The following SETBP1 variants were observed in gnomAD, a reference collection of about 807,000 sequenced individuals.
The protein encoded by SETBP1 is SET binding protein 1.
Under a neutral mutation model 101.0 loss-of-function variants are expected in SETBP1, and 9 were observed. The ratio of observed to expected loss-of-function variants is 0.09; its 90% CI spans 0.05 to 0.16. The LOEUF (loss-of-function observed/expected upper bound fraction) is 0.16. Among genes scored for constraint, SETBP1 ranks in the 10% least tolerant of loss-of-function variants. The probability of loss-of-function intolerance (pLI) is 1.00; values close to 1 mark genes in which losing one functional copy is unlikely to be tolerated. For missense variants in SETBP1, 1,858 were observed against 2,033.8 expected, an observed-to-expected ratio of 0.91 and a Z score of 1.66; for synonymous variants, 818 against 788.5, an observed-to-expected ratio of 1.04 and a Z score of -0.63.
chr18:44,871,248 C>G (rs190202785), intron 3 of SETBP1: 17 of 152,272 alleles, frequency 1.1e-4, no homozygotes, highest in African/African-American at 3.9e-4. Context: ...CAACAGCATC[C>G]TTTTGGGTGC....
At chr18:44,768,628 C>T (rs1052767159) in intron 2 of SETBP1, among the ~76,000 whole-genome samples, 1 of 152,048 alleles carries the variant, frequency 6.6e-6, no homozygotes, top group African/African-American at 2.4e-5. Flanking sequence ...TGTTCTTTTC[C>T]TTCTAAAAGG....
At chr18:44,715,375 G>T (rs910312495) in intron 2 of SETBP1, among the ~76,000 whole-genome samples, 7 of 152,042 alleles carry the variant, frequency 4.6e-5, no homozygotes. Context: ...TAATAGGCTC[G>T]CTGTGACTTA....
chr18:44,869,462 G>C (rs2069219040), intron 3 of SETBP1, 179 bp downstream of exon 3: 2 of 676,406 alleles, frequency 3.0e-6, no homozygotes, highest in Admixed American at 2.1e-5. Context: ...TCTCATTCTA[G>C]CATGGACAAA....
intron 4 of SETBP1, among the ~76,000 whole-genome samples, chr18:45,012,200 C>T (rs929521086): frequency 6.6e-6 from 1 of 152,156 alleles, no homozygotes; most frequent in Admixed American, 6.5e-5. Context: ...TTCCTGGGAA[C>T]AGGAGGCATG....
rs2073744075 is a variant in SETBP1 at position 45,052,829 on chromosome 18, G to A, written c.4172-10250G>A. Among the ~76,000 whole-genome samples the A allele has an allele frequency of 4.6e-5, 7 of 152,264 alleles. 1 individual carries two copies. The Middle Eastern group carries it at 0.014, about 296-fold the overall frequency. ...TTTAGTCACTTGAATCCAGCCCAGA[G>A]GTAGTTAAAAGGACAGGCATTAACT... On this transcript the variant is annotated intron_variant, in intron 5 of 5. Coordinates refer to ENST00000649279, the MANE Select transcript of SETBP1 (RefSeq NM_015559.3).
chr18:44,787,860 C>CAAAAAAAAAAAAA (rs11399627), intron 2 of SETBP1, among the ~76,000 whole-genome samples: 1 of 9,216 alleles, frequency 1.1e-4, no homozygotes, highest in African/African-American at 4.3e-4. Flanking sequence ...GAGTCCGTCT[C>CAAAAAAAAAAAAA]AAAAAAAAAA....
chr18:44,803,836 A>G (rs997249668), intron 2 of SETBP1, among the ~76,000 whole-genome samples: 21 of 152,148 alleles, frequency 1.4e-4, no homozygotes, highest in African/African-American at 5.1e-4. Context: ...TCTAGCTAAA[A>G]TTTACTGTTT....
Position 44,779,365 on chromosome 18 carries a change from T to C in SETBP1, c.486+77533T>C, listed in dbSNP as rs146072232. ...AGAGCAAGAGAATACTCGCCTCTGA[T>C]AGAGCATAGTACTCTCTCCAAACCA... On this transcript the variant is annotated intron_variant, in intron 2 of 5. Coordinates refer to ENST00000649279, the MANE Select transcript of SETBP1 (RefSeq NM_015559.3). 2.7e-3 allele frequency among the ~76,000 whole-genome samples: 416 copies of C among 152,382 alleles called. 11 individuals carry two copies. The highest frequency in any genetic ancestry group is 0.026 in the Admixed American group (395 of 15,306).
At chr18:44,930,686 T>C (rs1278995614) in intron 3 of SETBP1, among the ~76,000 whole-genome samples, 1 of 152,202 alleles carries the variant, frequency 6.6e-6, no homozygotes, top group African/African-American at 2.4e-5. Context: ...TGTCCAGGAA[T>C]TTATCCATTT....
At chr18:45,047,121 A>C (rs969273126) in intron 5 of SETBP1, among the ~76,000 whole-genome samples, 1 of 152,140 alleles carries the variant, frequency 6.6e-6, no homozygotes, top group South Asian at 2.1e-4. Context: ...TGATAATAAC[A>C]CGTTTTATCT....
chr18:44,849,098 TGTAC>T (rs2072792660), intron 2 of SETBP1, among the ~76,000 whole-genome samples: 1 of 152,204 alleles, frequency 6.6e-6, no homozygotes, highest in Admixed American at 6.5e-5. Flanking sequence ...CAACATGCTG[TGTAC>T]TGACTGGATG....
intron 2 of SETBP1, among the ~76,000 whole-genome samples, chr18:44,834,087 G>A (rs749172824): frequency 6.6e-6 from 1 of 152,174 alleles, no homozygotes; most frequent in Non-Finnish European, 1.5e-5. Context: ...CTGGACTTCA[G>A]GAATTTGTAG....
At chr18:44,991,757 T>C (rs1241063235) in intron 4 of SETBP1, among the ~76,000 whole-genome samples, 4 of 152,120 alleles carry the variant, frequency 2.6e-5, no homozygotes, top group Non-Finnish European at 5.9e-5. Flanking sequence ...AGTAAGAATA[T>C]AACAAATCAA....
At chr18:44,974,875 C>A (rs2071951470) in intron 4 of SETBP1, among the ~76,000 whole-genome samples, 1 of 152,080 alleles carries the variant, frequency 6.6e-6, no homozygotes, top group Non-Finnish European at 1.5e-5. Flanking sequence ...AAAACAAAGA[C>A]ACCTAAGTAA....
intron 4 of SETBP1, among the ~76,000 whole-genome samples, chr18:45,003,362 A>G (rs746407181): frequency 6.6e-6 from 1 of 152,190 alleles, no homozygotes; most frequent in Non-Finnish European, 1.5e-5. Flanking sequence ...TATCGTTGCA[A>G]TAAGTAGTTT....
At chr18:45,025,470 G>A (rs1009030785) in intron 4 of SETBP1, among the ~76,000 whole-genome samples, 1 of 152,110 alleles carries the variant, frequency 6.6e-6, no homozygotes, top group Non-Finnish European at 1.5e-5. Context: ...TAAAGATTAG[G>A]AGATCTATCT....
intron 3 of SETBP1, among the ~76,000 whole-genome samples, chr18:44,917,702 C>G (rs1176958029): frequency 2.0e-5 from 3 of 152,152 alleles, no homozygotes; most frequent in African/African-American, 7.2e-5. Flanking sequence ...CCCTCTCCAG[C>G]TTGTCCTCAA....
intron 3 of SETBP1, among the ~76,000 whole-genome samples, chr18:44,902,891 G>GTT (rs1459664310): frequency 4.0e-5 from 6 of 151,642 alleles, no homozygotes; most frequent in South Asian, 4.2e-4. Context: ...AAGTTTACAT[G>GTT]TTATATATAT....
At chr18:44,978,797 G>A (rs1390893258) in intron 4 of SETBP1, among the ~76,000 whole-genome samples, 1 of 152,120 alleles carries the variant, frequency 6.6e-6, no homozygotes, top group African/African-American at 2.4e-5. Flanking sequence ...GGCCTGCAGT[G>A]AGTTGGAGCT....
Sources: allele counts gnomAD v4.1 joint callset (sites outside exome capture counted in the v4.1 genomes callset), GRCh38; gene constraint gnomAD v4.1.1; transcripts MANE v1.5; gene names NCBI Gene and HGNC (gene_info 2026-07-23, HGNC 2026-07-21).